Variants in CAPS2 observed in about 807,000 individuals in gnomAD.
CAPS2 encodes the protein calcyphosin-2.
CAPS2 carries 98 observed loss-of-function variants against 86.5 expected under a neutral mutation model. The ratio of observed to expected loss-of-function variants is 1.13; its 90% confidence interval spans 0.96 to 1.34. The LOEUF (loss-of-function observed/expected upper bound fraction) is 1.34, where lower values mean the gene tolerates loss of function less well. Among genes scored for constraint, CAPS2 ranks in the 40% most tolerant of loss-of-function variants. CAPS2 has a pLI of 0.00. For missense variants in CAPS2, 729 were observed against 686.8 expected, an observed-to-expected ratio of 1.06 and a Z score of -0.69; for synonymous variants, 210 against 225.1, an observed-to-expected ratio of 0.93 and a Z score of 0.60.
Position 75,316,396 on chromosome 12 carries a change from C to T in CAPS2, c.507G>A (p.Thr169=), listed in dbSNP as rs751540051. The T allele has an allele frequency of 7.7e-6, 12 of 1,550,620 alleles. No homozygotes were observed. In the African/African-American group the frequency reaches 1.1e-4, roughly 14 times the overall value. Residue 169 remains threonine, a synonymous_variant, in exon 6 of 17, where the codon ACG becomes ACA. Coordinates refer to ENST00000393284, the Ensembl canonical transcript of CAPS2. Reference sequence around the variant, plus strand: ...GTAAGATGGCTTTCCTATCCAGAGTCGTAAGGTCATCTGTGTTGGCTTCTT... The same window carrying T: ...GTAAGATGGCTTTCCTATCCAGAGTTGTAAGGTCATCTGTGTTGGCTTCTT...
intron 8 of CAPS2, among the ~76,000 whole-genome samples, chr12:75,302,904 C>T (rs941496761): frequency 2.6e-5 from 4 of 152,158 alleles, no homozygotes; most frequent in African/African-American, 9.7e-5. Context: ...GCAACAAGAA[C>T]ACTCATACTG....
chr12:75,369,711 G>T (rs188028916), intron 1 of CAPS2: 2 of 985,050 alleles, frequency 2.0e-6, no homozygotes, highest in East Asian at 2.3e-4. Flanking sequence ...AGCTTTTTCT[G>T]GTTTTGACTT....
At chr12:75,289,652 A>G (rs1438733778) in exon 14 of CAPS2, 2 of 1,613,230 alleles carry the variant, frequency 1.2e-6, no homozygotes, top group African/African-American at 2.7e-5. Flanking sequence ...AAACACTTTT[A>G]GAGCTTGCTT....
chr12:75,290,964 T>A (rs1392379228), intron 13 of CAPS2, among the ~76,000 whole-genome samples: 2 of 151,450 alleles, frequency 1.3e-5, no homozygotes, highest in Non-Finnish European at 2.9e-5. Flanking sequence ...ACATGTTAAT[T>A]TCTGTGATTG....
At chr12:75,364,255 T>C (rs1391602397) in intron 1 of CAPS2, among the ~76,000 whole-genome samples, 1 of 152,200 alleles carries the variant, frequency 6.6e-6, no homozygotes, top group Non-Finnish European at 1.5e-5. Flanking sequence ...TGGCCTGAAC[T>C]AGTTTTCAGG....
At chr12:75,355,162 CA>C (rs1353894761) in intron 1 of CAPS2, among the ~76,000 whole-genome samples, 2 of 152,102 alleles carry the variant, frequency 1.3e-5, no homozygotes, top group African/African-American at 4.8e-5. Flanking sequence ...TTCTACACAG[CA>C]AAAGAAACTA....
chr12:75,379,129 TATTC>T (rs1375413763), intron 1 of CAPS2, among the ~76,000 whole-genome samples: 14 of 152,232 alleles, frequency 9.2e-5, no homozygotes, highest in Admixed American at 5.2e-4. Flanking sequence ...CCTTTATACT[TATTC>T]ATTCAAGAGC....
chr12:75,337,795 T>G (rs2041839164), intron 1 of CAPS2, among the ~76,000 whole-genome samples: 1 of 151,970 alleles, frequency 6.6e-6, no homozygotes, highest in Non-Finnish European at 1.5e-5. Context: ...GTATTGCTTA[T>G]TTTTTTATTT....
intron 1 of CAPS2, among the ~76,000 whole-genome samples, chr12:75,373,276 G>C (rs192478278): frequency 9.0e-4 from 137 of 152,274 alleles, no homozygotes; most frequent in East Asian, 2.3e-3. Flanking sequence ...AGGTTGAGTG[G>C]TGTTCACAGA....
rs781742906 is a variant in CAPS2 at position 75,289,833 on chromosome 12, C to T, written c.1241-58G>A. ...GTTCCTATGCATAAATGTATAAAGC[C>T]GCAGTTATCTTTCATAAGAAAATTA... On this transcript the variant is annotated intron_variant, in intron 13 of 16. Coordinates refer to ENST00000393284, the Ensembl canonical transcript of CAPS2. The T allele has an allele frequency of 7.3e-5, 89 of 1,214,628 alleles. 1 individual carries two copies. Among genetic ancestry groups the T allele is most frequent in the South Asian group, 1.1e-4 (7 of 66,566 alleles). 75.2% of individuals were successfully genotyped at this position (1,214,628 alleles called of 1,614,324 possible). A position where few individuals can be genotyped will look rare whatever the true frequency, so the allele number is the denominator to read the frequency against.
intron 1 of CAPS2, chr12:75,390,807 T>C (rs767866317): frequency 5.2e-6 from 3 of 572,030 alleles, no homozygotes; most frequent in East Asian, 4.2e-5. Flanking sequence ...AACATTTCAC[T>C]ACATTAGTTT....
At chr12:75,298,962 C>T in exon 10 of CAPS2, 1 of 1,576,670 alleles carries the variant, frequency 6.3e-7, no homozygotes, top group Middle Eastern at 1.7e-4. Context: ...GCATCACGTC[C>T]ATTACTGGAA....
intron 16 of CAPS2, among the ~76,000 whole-genome samples, chr12:75,279,858 T>G (rs1282452361): frequency 6.6e-6 from 1 of 152,034 alleles, no homozygotes; most frequent in Non-Finnish European, 1.5e-5. Context: ...AAAACATAGA[T>G]TTTGGTAGAA....
chr12:75,302,383 A>G (rs2037927227), intron 8 of CAPS2, among the ~76,000 whole-genome samples: 1 of 152,250 alleles, frequency 6.6e-6, no homozygotes, highest in East Asian at 1.9e-4. Context: ...TGCATTTGGC[A>G]TGCATATAAA....
intron 1 of CAPS2, among the ~76,000 whole-genome samples, chr12:75,366,620 T>C (rs2043980476): frequency 6.6e-6 from 1 of 151,468 alleles, no homozygotes; most frequent in Admixed American, 6.6e-5. Context: ...TTCTTGTCTT[T>C]CCTCTTCTTC....
At chr12:75,341,830 AC>A (rs1427058917) in intron 1 of CAPS2, among the ~76,000 whole-genome samples, 7 of 146,416 alleles carry the variant, frequency 4.8e-5, no homozygotes, top group African/African-American at 1.8e-4. Flanking sequence ...GCTCACTGCA[AC>A]CTCCGCCTCC....
chr12:75,370,058 T>C (rs1328468573), intron 1 of CAPS2: 1 of 1,436,622 alleles, frequency 7.0e-7, no homozygotes. Flanking sequence ...CTCTTAACTA[T>C]TCTGGTTTTG....
chr12:75,336,156 G>T (rs1238092763), intron 1 of CAPS2, among the ~76,000 whole-genome samples: 1 of 151,848 alleles, frequency 6.6e-6, no homozygotes, highest in Admixed American at 6.6e-5. Context: ...TGGATGGACC[G>T]TGAGAAGTTA....
intron 16 of CAPS2, among the ~76,000 whole-genome samples, chr12:75,280,872 A>G (rs909719453): frequency 1.3e-5 from 2 of 151,888 alleles, no homozygotes; most frequent in Admixed American, 1.3e-4. Context: ...GTTAATGATG[A>G]CGAGAAACCA....
Sources: gnomAD v4.1 joint callset for allele counts (sites outside exome capture counted in the v4.1 genomes callset) on GRCh38, gnomAD v4.1.1 for gene constraint, MANE v1.5 for transcripts, NCBI Gene and HGNC (gene_info 2026-07-23, HGNC 2026-07-21) for gene names.